Variants in DNAJC1 observed in about 807,000 individuals in gnomAD.
DNAJC1 encodes the protein dnaJ homolog subfamily C member 1.
In DNAJC1, 58 loss-of-function variants were observed where a neutral mutation model predicts 76.6. The observed-to-expected ratio is 0.76, with a 90% CI of 0.61 to 0.94. The LOEUF is 0.94. Among genes scored for constraint, DNAJC1 ranks in the 40% least tolerant of loss-of-function variants. DNAJC1 has a pLI of 0.00. For synonymous variants in DNAJC1, 258 were observed against 267.9 expected, an observed-to-expected ratio of 0.96 and a Z score of 0.36; for missense variants, 689 against 677.3, an observed-to-expected ratio of 1.02 and a Z score of -0.19.
At chr10:21,978,696 A>T (rs1185743136) in intron 1 of DNAJC1, among the ~76,000 whole-genome samples, 2 of 152,126 alleles carry the variant, frequency 1.3e-5, no homozygotes, top group Non-Finnish European at 2.9e-5. Context: ...CACAGGAAAA[A>T]GAGGGAAAAG....
At chr10:21,833,683 G>A (rs555643870) in intron 8 of DNAJC1, among the ~76,000 whole-genome samples, 32 of 152,166 alleles carry the variant, frequency 2.1e-4, no homozygotes, top group Admixed American at 1.1e-3. Flanking sequence ...CATGAAGTGC[G>A]CAGAACAGTA....
At chr10:21,936,299 C>T (rs558589079) in intron 1 of DNAJC1, among the ~76,000 whole-genome samples, 5 of 152,120 alleles carry the variant, frequency 3.3e-5, no homozygotes, top group Non-Finnish European at 5.9e-5. Flanking sequence ...TCTCTAGAAC[C>T]GTGAGCAACA....
At chr10:21,837,839 C>A (rs1173893389) in intron 8 of DNAJC1, among the ~76,000 whole-genome samples, 1 of 138,864 alleles carries the variant, frequency 7.2e-6, no homozygotes, top group Non-Finnish European at 1.6e-5. Flanking sequence ...GGGCAGCCCC[C>A]GCCTGGCCAG....
chr10:21,922,102 G>A (rs571134185), intron 3 of DNAJC1, among the ~76,000 whole-genome samples: 2 of 152,112 alleles, frequency 1.3e-5, no homozygotes, highest in Non-Finnish European at 2.9e-5. Context: ...CAGGTCAGTA[G>A]AACTCGGTAG....
At chr10:22,000,667 C>G (rs1838503852) in intron 1 of DNAJC1, among the ~76,000 whole-genome samples, 1 of 152,218 alleles carries the variant, frequency 6.6e-6, no homozygotes, top group African/African-American at 2.4e-5. Flanking sequence ...CCCATTGTGA[C>G]AGTAATACAA....
chr10:21,834,782 C>G (rs1421084416), intron 8 of DNAJC1, among the ~76,000 whole-genome samples: 1 of 152,206 alleles, frequency 6.6e-6, no homozygotes, highest in African/African-American at 2.4e-5. Context: ...GAGGGGCACC[C>G]GCCATTGCCA....
At chr10:21,873,334 C>G (rs1836134987) in intron 8 of DNAJC1, among the ~76,000 whole-genome samples, 1 of 152,036 alleles carries the variant, frequency 6.6e-6, no homozygotes, top group Admixed American at 6.6e-5. Context: ...CATAATCAAA[C>G]CATCAAAGCT....
intron 1 of DNAJC1, among the ~76,000 whole-genome samples, chr10:21,962,042 A>T (rs1372717324): frequency 6.6e-6 from 1 of 152,126 alleles, no homozygotes; most frequent in South Asian, 2.1e-4. Context: ...TTGCCCTCTC[A>T]GTGAGGAGTC....
intron 8 of DNAJC1, among the ~76,000 whole-genome samples, chr10:21,806,663 A>G (rs769573581): frequency 6.6e-5 from 10 of 152,182 alleles, no homozygotes; most frequent in Non-Finnish European, 1.5e-4. Flanking sequence ...CAATTTTAAA[A>G]TAATATTTTT....
At chr10:21,761,668 G>A (rs1475869026) in intron 10 of DNAJC1, among the ~76,000 whole-genome samples, 1 of 152,080 alleles carries the variant, frequency 6.6e-6, no homozygotes, top group Non-Finnish European at 1.5e-5. Flanking sequence ...GCAAAAATGA[G>A]TTGGAGTGTG....
At chr10:21,931,647 T>C (rs1837226941) in intron 1 of DNAJC1, among the ~76,000 whole-genome samples, 2 of 152,200 alleles carry the variant, frequency 1.3e-5, no homozygotes, top group Non-Finnish European at 2.9e-5. Context: ...TGATAAACTA[T>C]ATGGAACATG....
Position 21,920,811 on chromosome 10 carries a change from A to C in DNAJC1, c.524T>G (p.Leu175Arg). ...GHYAVVWSIY[L>R]EKQLDELLSR... The stretch of plus-strand genomic sequence containing the variant: ...ACTAACACTTACCAGTTGTTTTTCC[A>C]GGTAGATTGACCAAACCACAGCATA... The change falls in exon 4 of 12, where the codon CTG (leucine) becomes CGG (arginine). Residue 175 changes from leucine (L) to arginine (R), a missense_variant. Coordinates refer to ENST00000376980, the MANE Select transcript of DNAJC1 (RefSeq NM_022365.4). The C allele has an allele frequency of 6.2e-7, 1 of 1,609,768 alleles. No homozygotes were observed. The highest frequency in any genetic ancestry group is 8.5e-7 in the Non-Finnish European group (1 of 1,177,352).
At chr10:21,824,589 G>C (rs1226690425) in intron 8 of DNAJC1, among the ~76,000 whole-genome samples, 2 of 152,168 alleles carry the variant, frequency 1.3e-5, no homozygotes, top group Non-Finnish European at 2.9e-5. Context: ...CCTCTGGAGA[G>C]AGATGGACGG....
Position 21,785,512 on chromosome 10 carries a change from T to A in DNAJC1, c.1099-19203A>T, listed in dbSNP as rs573575420. 2.0e-5 allele frequency: 3 copies of A among 152,366 alleles called. No individual in the cohort carries two copies. In the East Asian group the frequency reaches 5.8e-4, roughly 29 times the overall value. 9.4% of individuals were successfully genotyped at this position (152,366 alleles called of 1,614,324 possible). On this transcript the variant is annotated intron_variant, in intron 9 of 11. Coordinates refer to ENST00000376980, the MANE Select transcript of DNAJC1 (RefSeq NM_022365.4). ...CTTTACCAGAACATTTGAATTAGCT[T>A]TCCATGTCCTTTGACAGGGGAGAGT... is the stretch of plus-strand genomic sequence containing the variant.
At chr10:21,983,340 A>G (rs1446588061) in intron 1 of DNAJC1, among the ~76,000 whole-genome samples, 1 of 152,260 alleles carries the variant, frequency 6.6e-6, no homozygotes, top group African/African-American at 2.4e-5. Context: ...CATTATGAAG[A>G]CAAGTGAAAT....
chr10:21,803,420 C>G (rs1834836699), intron 9 of DNAJC1, among the ~76,000 whole-genome samples: 1 of 152,008 alleles, frequency 6.6e-6, no homozygotes, highest in South Asian at 2.1e-4. Flanking sequence ...ACACCATAAG[C>G]CAAAAGGAGG....
chr10:21,920,883 T>C lies in DNAJC1; in HGVS notation c.452A>G (p.Asn151Ser). 3 of 1,613,174 alleles carry C rather than the reference T, an allele frequency of 1.9e-6. No homozygotes were observed. Among genetic ancestry groups the C allele is most frequent in the Non-Finnish European group, 8.5e-7 (1 of 1,179,352 alleles). Residue 151 changes from asparagine (N) to serine (S), a missense_variant, in exon 4 of 12, where the codon AAT (asparagine) becomes AGT (serine). Physicochemically the swap from Asn to Ser is conservative, Grantham distance 46 (BLOSUM62 1). Coordinates refer to ENST00000376980, the MANE Select transcript of DNAJC1 (RefSeq NM_022365.4). Reference sequence around the variant, plus strand: ...GAACAAGAGTAATGCCAGCTCAGCATTGCTCATTTTTCTCACCCGCCTGTA... The same window carrying C: ...GAACAAGAGTAATGCCAGCTCAGCACTGCTCATTTTTCTCACCCGCCTGTA... Reference protein sequence around the residue: ...FYYRRVRKMSNAELALLLFII... With the variant: ...FYYRRVRKMSSAELALLLFII...
At chr10:21,786,437 T>TAC in intron 9 of DNAJC1, among the ~76,000 whole-genome samples, 1 of 27,640 alleles carries the variant, frequency 3.6e-5, no homozygotes, top group South Asian at 2.5e-3. Flanking sequence ...AATATATATA[T>TAC]ATATATATAT....
chr10:21,959,779 C>T (rs2131816653), intron 1 of DNAJC1, among the ~76,000 whole-genome samples: 1 of 132,580 alleles, frequency 7.5e-6, no homozygotes, highest in Non-Finnish European at 1.6e-5. Context: ...GAGGGAGACT[C>T]CATCTCAAAA....
Sources: allele counts gnomAD v4.1 joint callset (sites outside exome capture counted in the v4.1 genomes callset), GRCh38; gene constraint gnomAD v4.1.1; transcripts MANE v1.5; gene names NCBI Gene and HGNC (gene_info 2026-07-23, HGNC 2026-07-21).